Variants in ELOVL6 observed in about 807,000 individuals in gnomAD.
ELOVL6 encodes the protein ELOVL fatty acid elongase 6.
Under a neutral mutation model 31.7 loss-of-function variants are expected in ELOVL6, and 8 were observed. The observed-to-expected ratio is 0.25, with a 90% CI of 0.15 to 0.45. The LOEUF is 0.45. Among genes scored for constraint, ELOVL6 ranks in the 20% least tolerant of loss-of-function variants. The pLI, the probability that ELOVL6 is intolerant of heterozygous loss-of-function variation, is 1.00. For missense variants in ELOVL6, 126 were observed against 326.4 expected, an observed-to-expected ratio of 0.39 and a Z score of 4.73; for synonymous variants, 101 against 117.7, an observed-to-expected ratio of 0.86 and a Z score of 0.92.
At chr4:110,181,730 A>C (rs982317501) in intron 1 of ELOVL6, among the ~76,000 whole-genome samples, 1 of 152,214 alleles carries the variant, frequency 6.6e-6, no homozygotes, top group Non-Finnish European at 1.5e-5. Flanking sequence ...TTCTCTCAGA[A>C]AGGAAGTCTA....
intron 1 of ELOVL6, among the ~76,000 whole-genome samples, chr4:110,134,178 A>G (rs1187924089): frequency 6.6e-6 from 1 of 152,212 alleles, no homozygotes; most frequent in Non-Finnish European, 1.5e-5. Flanking sequence ...ACAAGGCTTC[A>G]TTAGGTGTGG....
At chr4:110,075,342 A>G (rs1755598499) in intron 2 of ELOVL6, among the ~76,000 whole-genome samples, 2 of 152,242 alleles carry the variant, frequency 1.3e-5, no homozygotes, top group African/African-American at 4.8e-5. Context: ...AGCATTATTC[A>G]CAATTGGCAA....
chr4:110,062,918 C>T (rs934659411), intron 2 of ELOVL6, among the ~76,000 whole-genome samples: 21 of 152,162 alleles, frequency 1.4e-4, no homozygotes, highest in African/African-American at 4.3e-4. Flanking sequence ...GCAAATTCAT[C>T]GTATGAATTT....
At chr4:110,082,048 C>T (rs979491701) in intron 2 of ELOVL6, among the ~76,000 whole-genome samples, 6 of 146,828 alleles carry the variant, frequency 4.1e-5, no homozygotes, top group Admixed American at 6.8e-5. Context: ...AATGAGATAC[C>T]GTCTCACACC....
intron 1 of ELOVL6, among the ~76,000 whole-genome samples, chr4:110,190,653 C>T (rs952143883): frequency 3.3e-5 from 5 of 152,004 alleles, no homozygotes; most frequent in Non-Finnish European, 4.4e-5. Flanking sequence ...TACAGGCGCC[C>T]GCCACCACGC....
At chr4:110,084,426 C>CATATATCATATATGATATATCATATATG (rs372760198) in intron 2 of ELOVL6, among the ~76,000 whole-genome samples, 3 of 67,498 alleles carry the variant, frequency 4.4e-5, no homozygotes, top group African/African-American at 1.6e-4. Context: ...TGATATATCA[C>CATATATCATATATGATATATCATATATG]ATATATCATA....
At chr4:110,078,532 CA>C (rs1333615029) in intron 2 of ELOVL6, among the ~76,000 whole-genome samples, 1 of 152,144 alleles carries the variant, frequency 6.6e-6, no homozygotes, top group Non-Finnish European at 1.5e-5. Flanking sequence ...TACAGACAAG[CA>C]AATGCTGAGA....
intron 3 of ELOVL6, among the ~76,000 whole-genome samples, chr4:110,054,953 G>C (rs770048089): frequency 5.3e-5 from 8 of 152,064 alleles, no homozygotes; most frequent in Non-Finnish European, 8.8e-5. Flanking sequence ...TGGTGGGTGC[G>C]GGAATGAAAT....
intron 1 of ELOVL6, among the ~76,000 whole-genome samples, chr4:110,154,948 T>C (rs866245377): frequency 5.3e-5 from 8 of 152,222 alleles, no homozygotes; most frequent in Admixed American, 4.6e-4. Context: ...TTGACAGTTA[T>C]CAATCCTGTG....
chr4:110,149,124 A>T (rs943388928), intron 1 of ELOVL6, among the ~76,000 whole-genome samples: 5 of 152,214 alleles, frequency 3.3e-5, no homozygotes, highest in Admixed American at 2.0e-4. Flanking sequence ...GGCTTCCGAA[A>T]GTGCTGGGAT....
rs147230908 is a variant in ELOVL6 at position 110,136,250 on chromosome 4, T to A, written c.90-30622A>T. On this transcript the variant is annotated intron_variant, in intron 1 of 3. Transcript: ENST00000302274. ...GTCGGAAAACACCCAGCATTAGGAA[T>A]AGGCACATAAACATAATACTTCAAG... Among the ~76,000 whole-genome samples, 625 of 152,314 alleles carry A rather than the reference T, an allele frequency of 4.1e-3. 1 individual carries two copies. Among genetic ancestry groups the A allele is most frequent in the African/African-American group, 0.014 (564 of 41,564 alleles).
chr4:110,098,930 G>T (rs1578479755), intron 2 of ELOVL6, among the ~76,000 whole-genome samples: 1 of 151,994 alleles, frequency 6.6e-6, no homozygotes, highest in Admixed American at 6.6e-5. Flanking sequence ...ATTAAGATGG[G>T]CAATTTTGGC....
At chr4:110,194,852 T>A (rs575403009) in intron 1 of ELOVL6, among the ~76,000 whole-genome samples, 1 of 152,324 alleles carries the variant, frequency 6.6e-6, no homozygotes, top group South Asian at 2.1e-4. Flanking sequence ...CAAAAGCCAA[T>A]GTAGTTCACT....
rs1156374350 is a variant in ELOVL6 at position 110,049,992 on chromosome 4, C to A, written c.*1346G>T. 2 of 152,006 alleles carry A rather than the reference C, an allele frequency of 1.3e-5. No individual in the cohort carries two copies. The highest frequency in any genetic ancestry group is 4.8e-5 in the African/African-American group (2 of 41,302). 9.4% of individuals were successfully genotyped at this position (152,006 alleles called of 1,614,324 possible). Reference sequence around the variant, plus strand: ...AGCTGACTTGAAGCAGGATGAATATCTTCTGATTTGGCCAAAGACATGACA... The same window carrying A: ...AGCTGACTTGAAGCAGGATGAATATATTCTGATTTGGCCAAAGACATGACA... On this transcript the variant is annotated 3_prime_UTR_variant, in exon 4 of 4. Transcript: ENST00000302274.
intron 2 of ELOVL6, among the ~76,000 whole-genome samples, chr4:110,086,039 G>A (rs1042893969): frequency 3.9e-5 from 6 of 152,186 alleles, no homozygotes; most frequent in Non-Finnish European, 8.8e-5. Flanking sequence ...CATTCCAGAT[G>A]TCTTGATGCA....
intron 2 of ELOVL6, among the ~76,000 whole-genome samples, chr4:110,063,122 G>T (rs1755192719): frequency 6.6e-6 from 1 of 152,180 alleles, no homozygotes; most frequent in Non-Finnish European, 1.5e-5. Context: ...AGGTAAGAGA[G>T]GTTAAGGTTA....
chr4:110,051,578 T>A lies in ELOVL6; in HGVS notation c.558A>T (p.Ala186=), dbSNP rs367702816. The A allele has an allele frequency of 3.5e-5, 57 of 1,614,048 alleles. No homozygotes were observed. In the African/African-American group the frequency reaches 6.3e-4, roughly 18 times the overall value. Residue 186 remains alanine (A), a synonymous_variant, in exon 4 of 4, where the codon GCA becomes GCT. Coordinates refer to ENST00000302274, the MANE Select transcript of ELOVL6 (RefSeq NM_024090.3). The surrounding 1 kb of genome is among the most constrained non-coding windows in gnomAD (Gnocchi z 4.8). ...VMYSYYALRA[A]GFRVSRKFAM... ...CAAACTTCCGGGAGACTCGGAAACC[T>A]GCCGCCCGCAAGGCATAGTAAGAGT...
intron 1 of ELOVL6, among the ~76,000 whole-genome samples, chr4:110,149,854 A>C (rs1030263570): frequency 2.0e-5 from 3 of 152,204 alleles, no homozygotes; most frequent in Admixed American, 6.5e-5. Context: ...TAAGCACCCC[A>C]AAAATAATTA....
intron 1 of ELOVL6, among the ~76,000 whole-genome samples, chr4:110,187,695 T>TA (rs138104384): frequency 0.053 from 6,852 of 130,082 alleles, 216 homozygotes; most frequent in South Asian, 0.13. Context: ...AAACTCCATC[T>TA]AAAAAAAAAA....
Sources: gnomAD v4.1 joint callset for allele counts (sites outside exome capture counted in the v4.1 genomes callset) on GRCh38, gnomAD v4.1.1 for gene constraint, Gnocchi (gnomAD v3.1) non-coding constraint, MANE v1.5 for transcripts, NCBI Gene and HGNC (gene_info 2026-07-23, HGNC 2026-07-21) for gene names.